The following CLEC16A variants were observed in gnomAD, a reference collection of about 807,000 sequenced individuals.
CLEC16A encodes protein CLEC16A.
CLEC16A carries 51 observed loss-of-function variants against 109.5 expected under a neutral mutation model. That is an observed-to-expected ratio of 0.47 (90% CI 0.37 to 0.59). The LOEUF is 0.59. CLEC16A is among the 20% of genes least tolerant of loss of function. CLEC16A has a pLI of 0.00. For synonymous variants in CLEC16A, 673 were observed against 564.2 expected (o/e 1.19, Z -2.73); for missense variants, 1,339 against 1,394.0 (o/e 0.96, Z 0.63).
chr16:11,009,376 A>G (rs545451968), intron 11 of CLEC16A, among the ~76,000 whole-genome samples: 1 of 152,010 alleles, frequency 6.6e-6, no homozygotes, highest in Non-Finnish European at 1.5e-5. Flanking sequence ...ACTTTTGGCT[A>G]TTGGGAATAA....
intron 23 of CLEC16A, among the ~76,000 whole-genome samples, chr16:11,171,159 C>T (rs973426879): frequency 5.3e-5 from 8 of 152,196 alleles, no homozygotes; most frequent in African/African-American, 1.9e-4. Context: ...ATCAGGGCCG[C>T]GGCCTATAGC....
intron 19 of CLEC16A, among the ~76,000 whole-genome samples, chr16:11,116,460 G>T (rs1311832962): frequency 6.6e-6 from 1 of 152,060 alleles, no homozygotes; most frequent in Non-Finnish European, 1.5e-5. Context: ...GATTTGCTGT[G>T]GGGGTACCTG....
At chr16:11,104,207 C>G (rs149628737) in intron 19 of CLEC16A, among the ~76,000 whole-genome samples, 21 of 152,240 alleles carry the variant, frequency 1.4e-4, no homozygotes, top group African/African-American at 4.6e-4. Flanking sequence ...CTCCTGGGCT[C>G]AAGCAGTCCT....
chr16:11,126,848 C>G (rs187419935), intron 22 of CLEC16A: 5 of 152,468 alleles, frequency 3.3e-5, no homozygotes, highest in Admixed American at 2.6e-4. Context: ...CAAGCTCTCC[C>G]TCACAACTTA....
chr16:11,009,131 CTG>C lies in CLEC16A; in HGVS notation c.1303+5828_1303+5829del, dbSNP rs536937885. Among the ~76,000 whole-genome samples, 5 of 152,298 alleles carry C rather than the reference CTG, an allele frequency of 3.3e-5. No homozygotes were observed. In the South Asian group the frequency reaches 1.0e-3, roughly 32 times the overall value. ...ACTCCCCACCCCACCCTTTGATGTT[CTG>C]TCTTTATGGGTTTGACTGCTCTAGG... On this transcript the variant is annotated intron_variant, in intron 11 of 23. Transcript: ENST00000409790.
chr16:10,965,011 G>A (rs2042433586), intron 3 of CLEC16A, among the ~76,000 whole-genome samples: 2 of 152,316 alleles, frequency 1.3e-5, no homozygotes, highest in Non-Finnish European at 2.9e-5. Flanking sequence ...CTCATCGTGC[G>A]TCGTACCCTT....
rs76981977 is a variant in CLEC16A at position 11,105,975 on chromosome 16, T to C, written c.2117-14640T>C. Among the ~76,000 whole-genome samples the C allele has an allele frequency of 4.6e-3, 707 of 152,288 alleles. 5 individuals carry two copies. Among genetic ancestry groups the C allele is most frequent in the Middle Eastern group, 0.031 (9 of 294 alleles). On this transcript the variant is annotated intron_variant, in intron 19 of 23. Coordinates refer to ENST00000409790, the MANE Select transcript of CLEC16A (RefSeq NM_015226.3). ...CTACAGAGGGCTCCATCCAAACTCT[T>C]TCCATTCAAATCCTTGCTATTCAAC...
intron 13 of CLEC16A, among the ~76,000 whole-genome samples, chr16:11,025,309 T>C (rs955681983): frequency 6.6e-6 from 1 of 152,212 alleles, no homozygotes; most frequent in African/African-American, 2.4e-5. Context: ...TTATAACACT[T>C]GGTGTTCTTA....
Position 11,011,680 on chromosome 16 carries a change from G to A in CLEC16A, c.1303+8375G>A, listed in dbSNP as rs116162751. 8.5e-3 allele frequency among the ~76,000 whole-genome samples: 1,290 copies of A among 152,296 alleles called. 22 individuals carry two copies. Among genetic ancestry groups the A allele is most frequent in the African/African-American group, 0.029 (1,222 of 41,542 alleles). On this transcript the variant is annotated intron_variant, in intron 11 of 23. Coordinates refer to ENST00000409790, the MANE Select transcript of CLEC16A (RefSeq NM_015226.3). ...GTATCTTTGCAGTTTGGCCCTTTCA[G>A]TGGAGAAAGCTAGGAAATCTATGTA...
intron 11 of CLEC16A, among the ~76,000 whole-genome samples, chr16:11,008,158 T>A (rs1025586279): frequency 6.6e-6 from 1 of 152,152 alleles, no homozygotes; most frequent in African/African-American, 2.4e-5. Context: ...GTCCCTTATA[T>A]CCTAGGTAAC....
intron 19 of CLEC16A, among the ~76,000 whole-genome samples, chr16:11,071,437 T>A (rs1180856405): frequency 6.6e-6 from 1 of 152,038 alleles, no homozygotes; most frequent in African/African-American, 2.4e-5. Flanking sequence ...GGTAGAGGGG[T>A]ACTGTTTCTA....
chr16:10,998,495 T>C (rs2044464924), intron 10 of CLEC16A, among the ~76,000 whole-genome samples: 1 of 152,220 alleles, frequency 6.6e-6, no homozygotes, highest in South Asian at 2.1e-4. Flanking sequence ...CTGGGGCATG[T>C]GTTGTGTACT....
At chr16:11,010,453 G>A (rs2045332445) in intron 11 of CLEC16A, among the ~76,000 whole-genome samples, 2 of 152,062 alleles carry the variant, frequency 1.3e-5, no homozygotes, top group South Asian at 2.1e-4. Context: ...TACAAAAGGT[G>A]CAAAGCCAAA....
rs2052609688 is a variant in CLEC16A at position 11,123,864 on chromosome 16, C to G, written c.2391C>G (p.Asp797Glu). The G allele has an allele frequency of 2.5e-6, 4 of 1,613,906 alleles. No individual in the cohort carries two copies. Among genetic ancestry groups the G allele is most frequent in the Admixed American group, 1.7e-5 (1 of 60,010 alleles). ...TCCAGGCCACCTTCATCTTCTCAGA[C>G]CACATCCGCTGCATCATCGCCAAGC... ...PILQATFIFS[D>E]HIRCIIAKQR... is the part of the protein sequence containing the mutation. Residue 797 changes from aspartate (D) to glutamate (E), a missense_variant, in exon 21 of 24, where the codon GAC (aspartate) becomes GAG (glutamate). Coordinates refer to ENST00000409790, the MANE Select transcript of CLEC16A (RefSeq NM_015226.3).
intron 19 of CLEC16A, among the ~76,000 whole-genome samples, chr16:11,117,727 G>A (rs1411201932): frequency 1.3e-5 from 2 of 152,084 alleles, no homozygotes; most frequent in Non-Finnish European, 2.9e-5. Flanking sequence ...TCCACAGTTC[G>A]GTTAAACAAT....
chr16:11,116,412 A>G (rs1326836717), intron 19 of CLEC16A, among the ~76,000 whole-genome samples: 1 of 151,940 alleles, frequency 6.6e-6, no homozygotes, highest in Non-Finnish European at 1.5e-5. Flanking sequence ...GAAAAGAAAA[A>G]AAAAGGTACA....
chr16:11,069,460 GGTCTCGCTCT>G (rs2048943291), intron 19 of CLEC16A, among the ~76,000 whole-genome samples: 1 of 151,454 alleles, frequency 6.6e-6, no homozygotes, highest in Non-Finnish European at 1.5e-5. Flanking sequence ...TTTTATACAA[GGTCTCGCTCT>G]GTCGTCCAAG....
chr16:10,984,361 C>T (rs2043501046), intron 10 of CLEC16A, among the ~76,000 whole-genome samples: 1 of 152,222 alleles, frequency 6.6e-6, no homozygotes, highest in Admixed American at 6.5e-5. Flanking sequence ...GGGGCCTTTT[C>T]ATGGCCCCTG....
chr16:10,955,664 C>A (rs941781004), intron 1 of CLEC16A, among the ~76,000 whole-genome samples: 4 of 152,178 alleles, frequency 2.6e-5, no homozygotes, highest in African/African-American at 4.8e-5. Flanking sequence ...ATCTTCAGAG[C>A]AGACCCACCC....
Sources: allele counts gnomAD v4.1 joint callset (sites outside exome capture counted in the v4.1 genomes callset), GRCh38; gene constraint gnomAD v4.1.1; transcripts MANE v1.5; gene names NCBI Gene and HGNC (gene_info 2026-07-23, HGNC 2026-07-21).